Variants in MGAT4C observed in about 807,000 individuals in gnomAD.
The protein encoded by MGAT4C is MGAT4 family member C.
In MGAT4C, 19 loss-of-function variants were observed where a neutral mutation model predicts 40.1. The observed-to-expected ratio is 0.47, with a 90% confidence interval of 0.33 to 0.70. MGAT4C has a LOEUF of 0.70. Among genes scored for constraint, MGAT4C ranks in the 30% least tolerant of loss-of-function variants. The pLI, the probability that MGAT4C is intolerant of heterozygous loss-of-function variation, is 0.02. For missense variants in MGAT4C, 491 were observed against 563.2 expected, an observed-to-expected ratio of 0.87 and a Z score of 1.30; for synonymous variants, 181 against 187.1, an observed-to-expected ratio of 0.97 and a Z score of 0.27.
At chr12:86,563,581 G>A (rs1959963224) in intron 2 of MGAT4C, among the ~76,000 whole-genome samples, 1 of 152,126 alleles carries the variant, frequency 6.6e-6, no homozygotes, top group Non-Finnish European at 1.5e-5. Context: ...CCTTGAGGAA[G>A]GACCCAATTA....
At chr12:86,550,519 C>T (rs1959297455) in intron 2 of MGAT4C, among the ~76,000 whole-genome samples, 1 of 152,192 alleles carries the variant, frequency 6.6e-6, no homozygotes, top group Non-Finnish European at 1.5e-5. Context: ...ATGAGTGCCA[C>T]CTCTGGAGTG....
At chr12:86,552,883 T>C (rs1216250236) in intron 2 of MGAT4C, among the ~76,000 whole-genome samples, 2 of 152,270 alleles carry the variant, frequency 1.3e-5, no homozygotes, top group East Asian at 3.9e-4. Flanking sequence ...GGTTTTACCA[T>C]TACTTTTAAT....
intron 2 of MGAT4C, among the ~76,000 whole-genome samples, chr12:86,652,055 T>C (rs1963712130): frequency 6.6e-6 from 1 of 151,874 alleles, no homozygotes; most frequent in African/African-American, 2.4e-5. Flanking sequence ...TTTTAGATGG[T>C]CATAACTTCA....
chr12:86,129,336 T>G (rs1054998570), intron 1 of MGAT4C, among the ~76,000 whole-genome samples: 1 of 152,168 alleles, frequency 6.6e-6, no homozygotes, highest in African/African-American at 2.4e-5. Context: ...AGGAACAACA[T>G]GTTTTACAAC....
At chr12:86,268,674 TATATAC>T (rs990802500) in intron 4 of MGAT4C, among the ~76,000 whole-genome samples, 49 of 146,666 alleles carry the variant, frequency 3.3e-4, no homozygotes, top group Non-Finnish European at 6.0e-4. Flanking sequence ...CATATATATA[TATATAC>T]ATATATACAT....
chr12:86,081,396 A>C (rs1283203178), intron 1 of MGAT4C, among the ~76,000 whole-genome samples: 3 of 152,186 alleles, frequency 2.0e-5, no homozygotes, highest in African/African-American at 7.2e-5. Flanking sequence ...TTGTACAGAA[A>C]TTAGGGACCT....
rs1890983249 is a variant in MGAT4C at position 86,033,893 on chromosome 12, T to C, written c.-7+15781A>G. 1.3e-5 allele frequency among the ~76,000 whole-genome samples: 2 copies of C among 149,656 alleles called. 1 individual carries two copies. On this transcript the variant is annotated intron_variant, in intron 2 of 4. Transcript: ENST00000611864. ...ATGTTGGCTGTGGGCTTTTATTTTA[T>C]TTTTTGATGGCTCTTATTTTTTTAA...
intron 2 of MGAT4C, among the ~76,000 whole-genome samples, chr12:86,720,556 A>G (rs1053941950): frequency 2.0e-5 from 3 of 152,128 alleles, no homozygotes; most frequent in African/African-American, 4.8e-5. Context: ...AGTTTTTCCC[A>G]TCATGATCTA....
intron 1 of MGAT4C, among the ~76,000 whole-genome samples, chr12:86,187,349 C>T (rs1278418021): frequency 1.3e-5 from 2 of 151,974 alleles, no homozygotes; most frequent in Admixed American, 1.3e-4. Context: ...ACGTAAAATT[C>T]AGTCCTTTTA....
At chr12:86,744,063 T>G (rs1317549671) in intron 1 of MGAT4C, among the ~76,000 whole-genome samples, 1 of 151,540 alleles carries the variant, frequency 6.6e-6, no homozygotes, top group Admixed American at 6.6e-5. Flanking sequence ...TTACTTGGCT[T>G]GAGGCAGTGG....
chr12:86,602,438 G>T (rs1195650316), intron 2 of MGAT4C, among the ~76,000 whole-genome samples: 2 of 152,154 alleles, frequency 1.3e-5, no homozygotes, highest in African/African-American at 4.8e-5. Flanking sequence ...TCTAAGCACT[G>T]GAAATAATAT....
chr12:86,257,623 T>C (rs1952559645), upstream of MGAT4C, among the ~76,000 whole-genome samples: 1 of 152,218 alleles, frequency 6.6e-6, no homozygotes, highest in African/African-American at 2.4e-5. Context: ...CTTGTTACAT[T>C]CCCTCTGCAT....
intron 2 of MGAT4C, among the ~76,000 whole-genome samples, chr12:86,560,945 C>T (rs915175118): frequency 1.3e-5 from 2 of 152,092 alleles, no homozygotes; most frequent in Non-Finnish European, 2.9e-5. Flanking sequence ...TCAGTGAATA[C>T]AGTAAAGTTT....
intron 2 of MGAT4C, among the ~76,000 whole-genome samples, chr12:86,686,618 T>A (rs971029717): frequency 2.0e-5 from 3 of 152,230 alleles, no homozygotes; most frequent in African/African-American, 7.2e-5. Flanking sequence ...ATTGGTTCTG[T>A]GTCCGTGATG....
chr12:86,423,170 T>C (rs1203458080), intron 3 of MGAT4C, among the ~76,000 whole-genome samples: 1 of 152,126 alleles, frequency 6.6e-6, no homozygotes, highest in African/African-American at 2.4e-5. Context: ...ATTACTTAGT[T>C]AATGAATGTT....
chr12:86,405,020 A>C (rs1047597978), intron 3 of MGAT4C, among the ~76,000 whole-genome samples: 2 of 152,054 alleles, frequency 1.3e-5, no homozygotes, highest in African/African-American at 4.8e-5. Context: ...CAATCTTTAA[A>C]GGGGTGAAAT....
At chr12:86,264,791 C>G (rs1381316305) in intron 4 of MGAT4C, among the ~76,000 whole-genome samples, 1 of 152,312 alleles carries the variant, frequency 6.6e-6, no homozygotes, top group Admixed American at 6.5e-5. Context: ...TGGCCTCTCC[C>G]GGCGCCCTCT....
chr12:86,353,837 C>T (rs1006350462), intron 3 of MGAT4C, among the ~76,000 whole-genome samples: 1 of 152,072 alleles, frequency 6.6e-6, no homozygotes, highest in Non-Finnish European at 1.5e-5. Flanking sequence ...TGCTTTGCCC[C>T]AAGTTGAACA....
chr12:86,823,303 C>T (rs2136228597), intron 1 of MGAT4C, among the ~76,000 whole-genome samples: 1 of 150,698 alleles, frequency 6.6e-6, no homozygotes, highest in South Asian at 2.1e-4. Context: ...AATAGAAACG[C>T]AAAAGGTAGA....
Sources: allele counts gnomAD v4.1 joint callset (sites outside exome capture counted in the v4.1 genomes callset), GRCh38; gene constraint gnomAD v4.1.1; transcripts MANE v1.5; gene names NCBI Gene and HGNC (gene_info 2026-07-23, HGNC 2026-07-21).